Variants in USP38 observed in about 807,000 individuals in gnomAD.
USP38 encodes ubiquitin specific peptidase 38, also known as ubiquitin carboxyl-terminal hydrolase 38.
In USP38, 49 loss-of-function variants were observed where a neutral mutation model predicts 94.3. That is an observed-to-expected ratio of 0.52 (90% CI 0.41 to 0.66). The LOEUF is 0.66. Among genes scored for constraint, USP38 ranks in the 30% least tolerant of loss-of-function variants. The pLI, the probability that USP38 is intolerant of heterozygous loss-of-function variation, is 0.00. For missense variants in USP38, 1,128 were observed against 1,229.4 expected (o/e 0.92, Z 1.23); for synonymous variants, 468 against 463.6 (o/e 1.01, Z -0.12).
rs1732293839 is a variant in USP38 at position 143,220,433 on chromosome 4, A to G, written c.3106A>G (p.Thr1036Ala). 1 of 1,612,918 alleles carries G rather than the reference A, an allele frequency of 6.2e-7. No individual in the cohort carries two copies. Among genetic ancestry groups the G allele is most frequent in the Non-Finnish European group, 8.5e-7 (1 of 1,179,392 alleles). ...TGGGGGGGFN[T>A]VGRLVF ...TGGAGGGGGTGGAGGAGGATTTAAT[A>G]CAGTTGGCAGACTCGTATTTTGATC... Residue 1036 changes from threonine (T) to alanine (A), a missense_variant, in exon 10 of 10, where the codon ACA becomes GCA. Transcript: ENST00000307017.
chr4:143,213,795 T>G lies in USP38; in HGVS notation c.1819T>G (p.Ser607Ala). 2 of 1,613,790 alleles carry G rather than the reference T, an allele frequency of 1.2e-6. No individual in the cohort carries two copies. Among genetic ancestry groups the G allele is most frequent in the Non-Finnish European group, 1.7e-6 (2 of 1,179,826 alleles). The change falls in exon 9 of 10, where the codon TCA becomes GCA. Residue 607 changes from serine (S) to alanine (A), a missense_variant. By Grantham distance (99) the Ser-to-Ala change is moderately conservative. Coordinates refer to ENST00000307017, the MANE Select transcript of USP38 (RefSeq NM_032557.6). ...HIRCLNCRSTSQKVEAFTDLS... is the reference protein window; with the variant it reads ...HIRCLNCRSTAQKVEAFTDLS... ...ACGTTGTTTGAACTGCAGGAGTACC[T>G]CACAAAAAGTGGAAGCCTTTACAGA...
chr4:143,214,751 A>C lies in USP38; in HGVS notation c.2775A>C (p.Ser925=). The C allele has an allele frequency of 6.2e-7, 1 of 1,613,782 alleles. No individual in the cohort carries two copies. The highest frequency in any genetic ancestry group is 8.5e-7 in the Non-Finnish European group (1 of 1,179,800). The part of the protein sequence containing the change: ...LFNDSRVTFT[S]FQSVQKITSR... ...ATGACAGTAGAGTGACATTTACTTC[A>C]TTTCAGTCAGTCCAGAAAATTACGA... The change falls in exon 9 of 10, where the codon TCA becomes TCC. Residue 925 remains serine, a synonymous_variant. Coordinates refer to ENST00000307017, the MANE Select transcript of USP38 (RefSeq NM_032557.6).
At chr4:143,194,795 A>G (rs1731499066) in intron 2 of USP38, among the ~76,000 whole-genome samples, 1 of 152,192 alleles carries the variant, frequency 6.6e-6, no homozygotes, top group African/African-American at 2.4e-5. Flanking sequence ...GGCGTGAGCC[A>G]CTGCATCTGA....
In USP38 at chr4:143,214,287, G is replaced by A. The variant is rs766140028; in HGVS notation, c.2311G>A (p.Asp771Asn). 6 of 1,613,110 alleles carry A rather than the reference G, an allele frequency of 3.7e-6. No homozygotes were observed. In the Admixed American group the frequency reaches 1.0e-4, roughly 27 times the overall value. ...TCTTACTCTCCTGAGATTTTCATAT[G>A]ATCAGAAGTATCATGTGAGAAGGAA... The part of the protein sequence containing the change: ...LILTLLRFSY[D>N]QKYHVRRKIL... The change falls in exon 9 of 10, where the codon GAT (aspartate) becomes AAT (asparagine). Residue 771 changes from aspartate (D) to asparagine (N), a missense_variant. Transcript: ENST00000307017.
chr4:143,187,045 A>G (rs1212262171), intron 1 of USP38, among the ~76,000 whole-genome samples: 3 of 152,202 alleles, frequency 2.0e-5, no homozygotes, highest in African/African-American at 7.2e-5. Context: ...TATATTTACG[A>G]AAGAATTACA....
Position 143,220,995 on chromosome 4 carries a change from T to G in USP38, c.*539T>G, listed in dbSNP as rs1459281362. ...AGTACTTTTCAGTTTTTGTTTAGTG[T>G]CTTCAGCATCACTGTGTCTGTATTT... On this transcript the variant is annotated 3_prime_UTR_variant, in exon 10 of 10. Coordinates refer to ENST00000307017, the MANE Select transcript of USP38 (RefSeq NM_032557.6). 1 of 152,490 alleles carries G rather than the reference T, an allele frequency of 6.6e-6. No homozygotes were observed. Among genetic ancestry groups the G allele is most frequent in the Admixed American group, 6.6e-5 (1 of 15,246 alleles). 9.4% of individuals were successfully genotyped at this position (152,490 alleles called of 1,614,324 possible).
chr4:143,202,098 T>G (rs1266456721), intron 4 of USP38, among the ~76,000 whole-genome samples: 1 of 151,498 alleles, frequency 6.6e-6, no homozygotes, highest in Non-Finnish European at 1.5e-5. Context: ...TTTGGATTTC[T>G]GACTTTTAGC....
intron 2 of USP38, among the ~76,000 whole-genome samples, chr4:143,189,316 GTGTC>G (rs985178361): frequency 6.6e-6 from 1 of 151,778 alleles, no homozygotes; most frequent in Non-Finnish European, 1.5e-5. Context: ...TGAGTTTTTT[GTGTC>G]TGTCTGTTCT....
intron 2 of USP38, among the ~76,000 whole-genome samples, chr4:143,189,760 G>A (rs1157472000): frequency 6.6e-6 from 1 of 151,934 alleles, no homozygotes; most frequent in Non-Finnish European, 1.5e-5. Flanking sequence ...TGTTTTTCCT[G>A]TTGTGTGACC....
Position 143,213,819 on chromosome 4 carries a change from G to A in USP38, c.1843G>A (p.Asp615Asn), listed in dbSNP as rs1395002881. The A allele has an allele frequency of 6.2e-7, 1 of 1,613,734 alleles. No homozygotes were observed. Residue 615 changes from aspartate to asparagine, a missense_variant, in exon 9 of 10, where the codon GAT (aspartate) becomes AAT (asparagine). Transcript: ENST00000307017. The stretch of plus-strand genomic sequence containing the variant: ...CTCACAAAAAGTGGAAGCCTTTACA[G>A]ATCTTTCGCTTGCCTTTTGTCCTTC... ...STSQKVEAFT[D>N]LSLAFCPSSS...
At chr4:143,199,173 C>T (rs917686059) in intron 4 of USP38, among the ~76,000 whole-genome samples, 1 of 152,132 alleles carries the variant, frequency 6.6e-6, no homozygotes, top group Non-Finnish European at 1.5e-5. Context: ...TGTCTATTGT[C>T]CCCTTTTTTG....
Position 143,185,827 on chromosome 4 carries a change from T to A in USP38, c.377T>A (p.Leu126His). Residue 126 changes from leucine (L) to histidine (H), a missense_variant, in exon 1 of 10, where the codon CTC becomes CAC. Transcript: ENST00000307017. Reference sequence around the variant, plus strand: ...CCGTCGGTGCTGGATCTCTTTAGCCTCCTGCAGGTAGAGGTGTTACGGATG... The same window carrying A: ...CCGTCGGTGCTGGATCTCTTTAGCCACCTGCAGGTAGAGGTGTTACGGATG... ...SCPSVLDLFS[L>H]LQVEVLRMVC... 1 of 1,614,210 alleles carries A rather than the reference T, an allele frequency of 6.2e-7. No individual in the cohort carries two copies. Among genetic ancestry groups the A allele is most frequent in the Non-Finnish European group, 8.5e-7 (1 of 1,180,046 alleles).
At chr4:143,210,918 G>A (rs1732007010) in intron 7 of USP38, among the ~76,000 whole-genome samples, 1 of 151,052 alleles carries the variant, frequency 6.6e-6, no homozygotes, top group Non-Finnish European at 1.5e-5. Flanking sequence ...TATATACTCA[G>A]ATATTTTTAT....
At chr4:143,189,765 G>A (rs1416587812) in intron 2 of USP38, among the ~76,000 whole-genome samples, 1 of 151,942 alleles carries the variant, frequency 6.6e-6, no homozygotes, top group Admixed American at 6.6e-5. Flanking sequence ...TTCCTGTTGT[G>A]TGACCTCTAC....
intron 4 of USP38, among the ~76,000 whole-genome samples, chr4:143,203,104 C>G (rs573082348): frequency 3.3e-5 from 5 of 152,046 alleles, no homozygotes; most frequent in Middle Eastern, 3.4e-3. Flanking sequence ...CAATTTCAAC[C>G]TACAGCATTT....
Position 143,214,048 on chromosome 4 carries a change from CT to C in USP38, c.2074del (p.Ser692LeufsTer27). On this transcript the variant is annotated frameshift_variant, in exon 9 of 10. Coordinates refer to ENST00000307017, the MANE Select transcript of USP38 (RefSeq NM_032557.6). LOFTEE classifies it high-confidence loss of function. ...AATGAGTTTTACTGTTCTGAAAACA[CT>C]TCTGTCCCTAACGAATCTAACAAGA... ...PPNEFYCSENTSVPNESNKIL... is the reference protein window; with the variant it reads ...PPNEFYCSENXSVPNESNKIL... The C allele has an allele frequency of 6.2e-7, 1 of 1,613,634 alleles. No individual in the cohort carries two copies.
intron 6 of USP38, among the ~76,000 whole-genome samples, chr4:143,209,065 A>AT (rs70953715): frequency 0.055 from 8,051 of 145,746 alleles, 292 homozygotes; most frequent in Non-Finnish European, 0.08. Context: ...ATGACAGCAT[A>AT]TTTTTTTATT....
chr4:143,185,157 C>T lies in USP38; in HGVS notation c.-294C>T, dbSNP rs1731171586. The T allele has an allele frequency of 3.6e-6, 1 of 279,030 alleles. No homozygotes were observed. The highest frequency in any genetic ancestry group is 7.3e-5 in the East Asian group (1 of 13,698). The allele number at this position is 279,030 out of a possible 1,614,324, so 17.3% of individuals were successfully genotyped here. On this transcript the variant is annotated 5_prime_UTR_variant, in exon 1 of 10. Coordinates refer to ENST00000307017, the MANE Select transcript of USP38 (RefSeq NM_032557.6). ...GGGGGGCCCGACAGGCCCCTCGGCG[C>T]TGATGCTGAGTGGGATCGAGGGCCC... is the stretch of plus-strand genomic sequence containing the variant.
chr4:143,189,381 T>C (rs1035005662), intron 2 of USP38, among the ~76,000 whole-genome samples: 2 of 152,038 alleles, frequency 1.3e-5, no homozygotes, highest in Non-Finnish European at 2.9e-5. Context: ...TGCATGTGTG[T>C]GTATATTAAG....
Sources: allele counts gnomAD v4.1 joint callset (sites outside exome capture counted in the v4.1 genomes callset), GRCh38; gene constraint gnomAD v4.1.1; transcripts MANE v1.5; gene names NCBI Gene and HGNC (gene_info 2026-07-23, HGNC 2026-07-21).